Variants in SERINC5 observed in about 807,000 individuals in gnomAD.
SERINC5 encodes the protein serine incorporator 5.
Under a neutral mutation model 63.1 loss-of-function variants are expected in SERINC5, and 41 were observed. The observed-to-expected ratio is 0.65, with a 90% CI of 0.51 to 0.84. SERINC5 has a LOEUF of 0.84. SERINC5 is among the 40% of genes least tolerant of loss of function. SERINC5 has a pLI of 0.00. For synonymous variants in SERINC5, 222 were observed against 215.2 expected, an observed-to-expected ratio of 1.03 and a Z score of -0.28; for missense variants, 523 against 573.0, an observed-to-expected ratio of 0.91 and a Z score of 0.89.
chr5:80,169,449 C>A lies in SERINC5; in HGVS notation c.649G>T (p.Ala217Ser), dbSNP rs368583761. The A allele has an allele frequency of 7.4e-6, 12 of 1,613,960 alleles. No individual in the cohort carries two copies. In the African/African-American group the frequency reaches 1.6e-4, roughly 22 times the overall value. ...CTGTCTTTCTGTGTATAAAACACTG[C>A]CATCAAAACCAAGCCTCCAGTGGCA... ...SIATGGLVLMAVFYTQKDSCM... is the reference protein window; with the variant it reads ...SIATGGLVLMSVFYTQKDSCM... The change falls in exon 6 of 12, where the codon GCA becomes TCA. Residue 217 changes from alanine to serine, a missense_variant. Transcript: ENST00000507668.
intron 2 of SERINC5, among the ~76,000 whole-genome samples, chr5:80,187,456 A>C (rs1248404550): frequency 6.6e-6 from 1 of 152,130 alleles, no homozygotes; most frequent in Non-Finnish European, 1.5e-5. Context: ...TCCAGGGTCC[A>C]CCACACTGAT....
At chr5:80,243,784 T>TAAAC (rs547031779) in intron 1 of SERINC5, among the ~76,000 whole-genome samples, 3 of 148,896 alleles carry the variant, frequency 2.0e-5, no homozygotes, top group African/African-American at 7.3e-5. Flanking sequence ...AATAAATAAA[T>TAAAC]AAAACAAAAT....
chr5:80,185,357 C>T lies in SERINC5; in HGVS notation c.196-7293G>A, dbSNP rs114994078. Among the ~76,000 whole-genome samples, 302 of 152,286 alleles carry T rather than the reference C, an allele frequency of 2.0e-3. 1 individual carries two copies. Among genetic ancestry groups the T allele is most frequent in the African/African-American group, 6.7e-3 (278 of 41,562 alleles). ...ACACCCTGAGCCTCAGTTGTGCCAT[C>T]TGTAAAATGAAACAATACCGACACC... On this transcript the variant is annotated intron_variant, in intron 2 of 11. Coordinates refer to ENST00000507668, the MANE Select transcript of SERINC5 (RefSeq NM_001174072.3).
rs747526882 is a variant in SERINC5, at chr5:80,146,153, T to C, written c.1175A>G (p.Tyr392Cys). The C allele has an allele frequency of 5.6e-6, 9 of 1,614,020 alleles. No individual in the cohort carries two copies. Among genetic ancestry groups the C allele is most frequent in the Non-Finnish European group, 7.6e-6 (9 of 1,179,868 alleles). ...AGCTAGGAAGAACACGAAGTGGAAG[T>C]AGGAGTAGATGTAGACGGTGCCTTT... ...EKKGTVYIYSYFHFVFFLASL... is the reference protein window; with the variant it reads ...EKKGTVYIYSCFHFVFFLASL... Residue 392 changes from tyrosine to cysteine, a missense_variant, in exon 11 of 12, where the codon TAC (tyrosine) becomes TGC (cysteine). Tyr to Cys is a radical substitution (Grantham distance 194, BLOSUM62 -2). Transcript: ENST00000507668.
intron 1 of SERINC5, among the ~76,000 whole-genome samples, chr5:80,209,198 G>A (rs1750318916): frequency 6.6e-6 from 1 of 152,196 alleles, no homozygotes; most frequent in South Asian, 2.1e-4. Flanking sequence ...TTGAACCCGG[G>A]GGGCAGAGGT....
chr5:80,149,779 C>T (rs1372645889), intron 9 of SERINC5, among the ~76,000 whole-genome samples: 1 of 152,210 alleles, frequency 6.6e-6, no homozygotes, highest in Non-Finnish European at 1.5e-5. Context: ...GAACTTAGAA[C>T]AGTGCCTGGG....
rs138285632 is a variant in SERINC5, at chr5:80,172,083, G to A, written c.552-2537C>T. Reference sequence around the variant, plus strand: ...ATGGTGGCTCATGCCTGTAATCCCAGCACTTTGGGAGGCCAAGGCGGACAG... The same window carrying A: ...ATGGTGGCTCATGCCTGTAATCCCAACACTTTGGGAGGCCAAGGCGGACAG... On this transcript the variant is annotated intron_variant, in intron 5 of 11. Coordinates refer to ENST00000507668, the MANE Select transcript of SERINC5 (RefSeq NM_001174072.3). 3.3e-3 allele frequency among the ~76,000 whole-genome samples: 500 copies of A among 152,270 alleles called. 1 individual carries two copies. The highest frequency in any genetic ancestry group is 0.01 in the Middle Eastern group (3 of 294).
chr5:80,222,880 T>C (rs1419125113), intron 1 of SERINC5, among the ~76,000 whole-genome samples: 3 of 151,856 alleles, frequency 2.0e-5, no homozygotes, highest in Admixed American at 2.0e-4. Context: ...GCCAGTTTTT[T>C]AGACAGTCTC....
At chr5:80,137,656 A>G (rs1363015814), downstream of SERINC5, among the ~76,000 whole-genome samples, 1 of 148,922 alleles carries the variant, frequency 6.7e-6, no homozygotes. Context: ...AAAAAAAAAA[A>G]GTGAGCTGGG....
At chr5:80,146,715 C>T (rs113399331) in intron 10 of SERINC5, among the ~76,000 whole-genome samples, 7 of 152,144 alleles carry the variant, frequency 4.6e-5, no homozygotes, top group South Asian at 2.1e-4. Flanking sequence ...CTCAGCCTCC[C>T]GAAGTGCTGG....
At chr5:80,255,429 A>G (rs548181066) in intron 1 of SERINC5, among the ~76,000 whole-genome samples, 9 of 152,272 alleles carry the variant, frequency 5.9e-5, no homozygotes, top group African/African-American at 1.7e-4. Context: ...CGACTACGAG[A>G]TGCCAAGCGC....
chr5:80,248,493 T>C (rs1336159972), intron 1 of SERINC5, among the ~76,000 whole-genome samples: 1 of 152,220 alleles, frequency 6.6e-6, no homozygotes, highest in Non-Finnish European at 1.5e-5. Flanking sequence ...AACCTGTGAA[T>C]TGTTTATTTC....
chr5:80,113,043 A>AT (rs1744183197), intron 12 of SERINC5, among the ~76,000 whole-genome samples: 1 of 152,118 alleles, frequency 6.6e-6, no homozygotes, highest in African/African-American at 2.4e-5. Context: ...TGCTTGCCCT[A>AT]TTTGGGGCCA....
intron 2 of SERINC5, among the ~76,000 whole-genome samples, chr5:80,199,478 G>A (rs575195179): frequency 4.6e-5 from 7 of 152,284 alleles, no homozygotes; most frequent in Admixed American, 3.3e-4. Context: ...CTTATTTCAC[G>A]AAGCCTTTCC....
chr5:80,254,512 G>C (rs1752562247), intron 1 of SERINC5, among the ~76,000 whole-genome samples: 1 of 152,204 alleles, frequency 6.6e-6, no homozygotes, highest in Non-Finnish European at 1.5e-5. Flanking sequence ...GGGACTTCAA[G>C]GGACCAGGAC....
intron 1 of SERINC5, chr5:80,203,339 A>T (rs1749975778): frequency 6.5e-6 from 1 of 154,540 alleles, no homozygotes; most frequent in Non-Finnish European, 1.4e-5. Flanking sequence ...ACATATATAC[A>T]TACACACATG....
chr5:80,225,415 G>A (rs937274999), intron 1 of SERINC5, among the ~76,000 whole-genome samples: 12 of 152,208 alleles, frequency 7.9e-5, no homozygotes, highest in Non-Finnish European at 1.5e-4. Context: ...AATGATTGGT[G>A]TAACACCTTG....
In SERINC5 at chr5:80,174,938, C is replaced by T. The variant is rs1158436657; in HGVS notation, c.551+16G>A. 1.3e-6 allele frequency: 2 copies of T among 1,560,410 alleles called. No homozygotes were observed. Among genetic ancestry groups the T allele is most frequent in the Non-Finnish European group, 1.7e-6 (2 of 1,145,984 alleles). On this transcript the variant is annotated intron_variant, in intron 5 of 11. Coordinates refer to ENST00000507668, the MANE Select transcript of SERINC5 (RefSeq NM_001174072.3). ...TTTCTGTGAGTCAATGGGAAGCTTT[C>T]CATAAAGGCACACACCAGTTCTTGT... is the stretch of plus-strand genomic sequence containing the variant.
intron 11 of SERINC5, among the ~76,000 whole-genome samples, chr5:80,131,106 G>A (rs1744927945): frequency 6.6e-6 from 1 of 152,136 alleles, no homozygotes; most frequent in South Asian, 2.1e-4. Context: ...GTTTGGCTGT[G>A]TCCCTACCCA....
Sources: allele counts gnomAD v4.1 joint callset (sites outside exome capture counted in the v4.1 genomes callset), GRCh38; gene constraint gnomAD v4.1.1; transcripts MANE v1.5; gene names NCBI Gene and HGNC (gene_info 2026-07-23, HGNC 2026-07-21).